Variants in MAML3 observed in about 807,000 individuals in gnomAD.
MAML3 encodes the protein mastermind like transcriptional coactivator 3, also known as mastermind-like protein 3.
MAML3 carries 27 observed loss-of-function variants against 101.9 expected under a neutral mutation model. That is an observed-to-expected ratio of 0.27 (90% confidence interval 0.20 to 0.37). The LOEUF is 0.37. Ranked by LOEUF, MAML3 falls within the 10% of genes least tolerant of loss-of-function variation. MAML3 has a pLI of 1.00. For synonymous variants in MAML3, 501 were observed against 555.9 expected, an observed-to-expected ratio of 0.90 and a Z score of 1.39; for missense variants, 1,316 against 1,444.9, an observed-to-expected ratio of 0.91 and a Z score of 1.45.
chr4:139,997,873 C>CT (rs1560861741), intron 1 of MAML3, among the ~76,000 whole-genome samples: 1 of 151,574 alleles, frequency 6.6e-6, no homozygotes. Flanking sequence ...TTCTGTCATT[C>CT]TTTTTTTTAA....
At chr4:140,107,493 A>G (rs1728371475) in intron 1 of MAML3, among the ~76,000 whole-genome samples, 1 of 148,368 alleles carries the variant, frequency 6.7e-6, no homozygotes, top group Non-Finnish European at 1.5e-5. Context: ...CACAGACTAT[A>G]GATGAAAAAA....
intron 2 of MAML3, among the ~76,000 whole-genome samples, chr4:139,816,339 T>C: frequency 6.6e-6 from 1 of 152,178 alleles, no homozygotes; most frequent in East Asian, 1.9e-4. Flanking sequence ...TAAAATGGGC[T>C]GAAATCGATG....
At chr4:140,152,673 GATT>G (rs1478318469) in intron 1 of MAML3, among the ~76,000 whole-genome samples, 184 bp downstream of exon 1, 2 of 151,948 alleles carry the variant, frequency 1.3e-5, no homozygotes, top group Non-Finnish European at 2.9e-5. Flanking sequence ...AACCCTGACA[GATT>G]AACAGGTAGC....
intron 1 of MAML3, among the ~76,000 whole-genome samples, chr4:139,951,773 A>C (rs1733835523): frequency 6.6e-6 from 1 of 150,760 alleles, no homozygotes. Context: ...AAAGTTTGGT[A>C]AGCAAAAAAA....
chr4:139,897,096 G>A (rs1732629829), intron 1 of MAML3, among the ~76,000 whole-genome samples: 1 of 152,186 alleles, frequency 6.6e-6, no homozygotes, highest in Admixed American at 6.5e-5. Flanking sequence ...GATTTTGCAC[G>A]AAGTTGGGCA....
chr4:140,135,913 C>T (rs1181034526), intron 1 of MAML3, among the ~76,000 whole-genome samples: 11 of 152,200 alleles, frequency 7.2e-5, no homozygotes, highest in Admixed American at 2.0e-4. Context: ...TCTCCCTCCC[C>T]CTTCTCCTTC....
chr4:140,141,451 A>G (rs973824941), intron 1 of MAML3, among the ~76,000 whole-genome samples: 1 of 152,172 alleles, frequency 6.6e-6, no homozygotes, highest in South Asian at 2.1e-4. Context: ...GATTTTTATG[A>G]CCACTCCAAT....
chr4:140,137,976 A>G (rs1487943597), intron 1 of MAML3, among the ~76,000 whole-genome samples: 9 of 152,360 alleles, frequency 5.9e-5, no homozygotes, highest in African/African-American at 2.2e-4. Context: ...GAACCTTCCA[A>G]TTCCAATCTC....
intron 1 of MAML3, among the ~76,000 whole-genome samples, chr4:140,121,253 C>G (rs1728602262): frequency 6.6e-6 from 1 of 152,226 alleles, no homozygotes; most frequent in African/African-American, 2.4e-5. Flanking sequence ...TAATATTTCA[C>G]TGGCACTTAC....
intron 2 of MAML3, among the ~76,000 whole-genome samples, chr4:139,834,955 C>T (rs1475576449): frequency 6.6e-6 from 1 of 152,160 alleles, no homozygotes; most frequent in Non-Finnish European, 1.5e-5. Context: ...GAAAAGTAAT[C>T]TTAAAAGAGT....
At chr4:139,861,477 A>ATGTGTGTGTGTG (rs55851938) in intron 2 of MAML3, among the ~76,000 whole-genome samples, 6,346 of 146,376 alleles carry the variant, frequency 0.043, 166 homozygotes, top group South Asian at 0.051. Flanking sequence ...TAACCAGCCG[A>ATGTGTGTGTGTG]TGTGTGTGTG....
Position 139,864,923 on chromosome 4 carries a change from C to CTTTTT in MAML3, c.2079+24429_2079+24433dup, listed in dbSNP as rs56361332. On this transcript the variant is annotated intron_variant, in intron 2 of 4. Coordinates refer to ENST00000509479, the MANE Select transcript of MAML3 (RefSeq NM_018717.5). ...TTAGGAAAATAGTAATGCAAACTTG[C>CTTTTT]TTTTTTTTTTTTTTTTTTTTTTTTT... is the stretch of plus-strand genomic sequence containing the variant. Among the ~76,000 whole-genome samples the CTTTTT allele has an allele frequency of 2.3e-3, 143 of 62,234 alleles. 17 individuals are homozygous for CTTTTT. Among genetic ancestry groups the CTTTTT allele is most frequent in the Non-Finnish European group, 3.0e-3 (102 of 34,132 alleles). The allele number at this position is 62,234 out of a possible 152,430, so 40.8% of individuals were successfully genotyped here.
At chr4:139,754,550 A>T (rs908880068) in intron 2 of MAML3, among the ~76,000 whole-genome samples, 1 of 152,236 alleles carries the variant, frequency 6.6e-6, no homozygotes, top group Non-Finnish European at 1.5e-5. Context: ...GCTGAAATGA[A>T]CATTCTTGTA....
intron 1 of MAML3, among the ~76,000 whole-genome samples, chr4:139,961,322 A>T (rs529202014): frequency 6.6e-6 from 1 of 152,326 alleles, no homozygotes; most frequent in East Asian, 1.9e-4. Flanking sequence ...CTAAATAGAG[A>T]ACAAATTATT....
intron 1 of MAML3, among the ~76,000 whole-genome samples, chr4:139,989,693 ACCC>A (rs902977731): frequency 4.6e-5 from 7 of 152,030 alleles, no homozygotes; most frequent in Non-Finnish European, 7.4e-5. Flanking sequence ...TTGTCAGGCT[ACCC>A]TTCTTCACTG....
At chr4:140,082,235 A>C (rs1282499456) in intron 1 of MAML3, among the ~76,000 whole-genome samples, 1 of 152,222 alleles carries the variant, frequency 6.6e-6, no homozygotes, top group Admixed American at 6.5e-5. Context: ...ACTGCTGTTC[A>C]CCACTAGCAG....
At chr4:140,050,876 A>T (rs1727256915) in intron 1 of MAML3, among the ~76,000 whole-genome samples, 2 of 152,198 alleles carry the variant, frequency 1.3e-5, no homozygotes, top group Admixed American at 1.3e-4. Context: ...ATCCTGGAAA[A>T]AAAATGAAAG....
intron 3 of MAML3, among the ~76,000 whole-genome samples, chr4:139,729,203 A>G (rs1728601996): frequency 6.7e-6 from 1 of 148,812 alleles, no homozygotes; most frequent in Admixed American, 6.7e-5. Flanking sequence ...AACTGTGCTC[A>G]GCAGTACAAT....
At chr4:139,952,811 C>T (rs919187874) in intron 1 of MAML3, among the ~76,000 whole-genome samples, 1 of 152,182 alleles carries the variant, frequency 6.6e-6, no homozygotes, top group African/African-American at 2.4e-5. Flanking sequence ...TGGCTTGGCA[C>T]ATTAAAGTCA....
Sources: gnomAD v4.1 joint callset for allele counts (sites outside exome capture counted in the v4.1 genomes callset) on GRCh38, gnomAD v4.1.1 for gene constraint, MANE v1.5 for transcripts, NCBI Gene and HGNC (gene_info 2026-07-23, HGNC 2026-07-21) for gene names.